Variants in KCND2 observed in about 807,000 individuals in gnomAD.
KCND2 encodes the protein potassium voltage-gated channel subfamily D member 2, also known as A-type voltage-gated potassium channel KCND2.
Under a neutral mutation model 54.4 loss-of-function variants are expected in KCND2, and 16 were observed. The observed-to-expected ratio is 0.29, with a 90% CI of 0.20 to 0.45. The LOEUF is 0.45. Among genes scored for constraint, KCND2 ranks in the 20% least tolerant of loss-of-function variants. The pLI is 1.00. For synonymous variants in KCND2, 317 were observed against 310.7 expected, an observed-to-expected ratio of 1.02 and a Z score of -0.21; for missense variants, 486 against 824.2, an observed-to-expected ratio of 0.59 and a Z score of 5.02.
chr7:120,443,448 A>C (rs994766131), intron 1 of KCND2, among the ~76,000 whole-genome samples: 2 of 151,712 alleles, frequency 1.3e-5, no homozygotes, highest in African/African-American at 4.8e-5. Context: ...GCCTCTTTCC[A>C]TGGAGACATT....
intron 1 of KCND2, among the ~76,000 whole-genome samples, chr7:120,372,231 T>A (rs1800774835): frequency 6.6e-6 from 1 of 151,958 alleles, no homozygotes; most frequent in African/African-American, 2.4e-5. Context: ...CTTCAAGTAC[T>A]GTTTTGCTAG....
At chr7:120,279,824 C>T (rs550056531) in intron 1 of KCND2, among the ~76,000 whole-genome samples, 14 of 151,666 alleles carry the variant, frequency 9.2e-5, no homozygotes, top group East Asian at 3.9e-4. Context: ...CTATGATATA[C>T]GATAACATTA....
intron 1 of KCND2, among the ~76,000 whole-genome samples, chr7:120,670,570 C>T (rs570345409): frequency 6.6e-6 from 1 of 152,138 alleles, no homozygotes; most frequent in South Asian, 2.1e-4. Flanking sequence ...CAGAAATTCA[C>T]TGTAAAACCA....
intron 1 of KCND2, among the ~76,000 whole-genome samples, chr7:120,420,638 A>G (rs1801598000): frequency 6.6e-6 from 1 of 152,260 alleles, no homozygotes; most frequent in African/African-American, 2.4e-5. Context: ...GTGTCTATGA[A>G]AGGAATCTGC....
intron 1 of KCND2, among the ~76,000 whole-genome samples, chr7:120,384,605 G>C (rs1389079585): frequency 1.3e-5 from 2 of 151,980 alleles, no homozygotes; most frequent in Non-Finnish European, 2.9e-5. Context: ...TTTATTACTG[G>C]ATCTAAATAT....
chr7:120,418,423 G>T (rs951128212), intron 1 of KCND2, among the ~76,000 whole-genome samples: 11 of 152,214 alleles, frequency 7.2e-5, no homozygotes, highest in African/African-American at 2.2e-4. Flanking sequence ...TGAAAATGTG[G>T]CTCAAGTATA....
chr7:120,531,985 A>G (rs542568652), intron 1 of KCND2, among the ~76,000 whole-genome samples: 1 of 152,178 alleles, frequency 6.6e-6, no homozygotes, highest in South Asian at 2.1e-4. Flanking sequence ...TCCAGATTCA[A>G]ATTCTCCTCT....
chr7:120,396,415 A>G (rs947462428), intron 1 of KCND2, among the ~76,000 whole-genome samples: 1 of 152,042 alleles, frequency 6.6e-6, no homozygotes, highest in African/African-American at 2.4e-5. Context: ...TTTAGCCTTG[A>G]CCAACTCCAA....
At position 120,306,091 on chromosome 7, in the gene KCND2, T is replaced by G. The variant is rs543162465; in HGVS notation, c.1115+30344T>G. Among the ~76,000 whole-genome samples, 26 of 152,262 alleles carry G rather than the reference T, an allele frequency of 1.7e-4. No individual in the cohort carries two copies. In the South Asian group the frequency reaches 4.6e-3, roughly 27 times the overall value. ...ACAGTCAGTTGTAGCTGTGACTGTT[T>G]CCTGCATTCAAGACTTTCTCTAGCT... is the stretch of plus-strand genomic sequence containing the variant. On this transcript the variant is annotated intron_variant, in intron 1 of 5. Transcript: ENST00000331113.
chr7:120,567,857 A>G (rs1792317091), intron 1 of KCND2, among the ~76,000 whole-genome samples: 1 of 152,174 alleles, frequency 6.6e-6, no homozygotes, highest in Non-Finnish European at 1.5e-5. Context: ...ATATTTGTAG[A>G]TAAGATCACA....
At chr7:120,669,278 C>T (rs1195380594) in intron 1 of KCND2, among the ~76,000 whole-genome samples, 1 of 151,866 alleles carries the variant, frequency 6.6e-6, no homozygotes, top group Non-Finnish European at 1.5e-5. Context: ...TTGATTTTTT[C>T]CCATGTCCTT....
At chr7:120,414,834 A>G (rs1314656767) in intron 1 of KCND2, among the ~76,000 whole-genome samples, 1 of 152,134 alleles carries the variant, frequency 6.6e-6, no homozygotes, top group African/African-American at 2.4e-5. Flanking sequence ...GTGCTTTCAT[A>G]CTACCATCAT....
In KCND2 at chr7:120,731,526, A is replaced by G. The variant is rs138388926; in HGVS notation, c.1116-1377A>G. 3.7e-3 allele frequency among the ~76,000 whole-genome samples: 562 copies of G among 152,312 alleles called. 1 individual carries two copies. The highest frequency in any genetic ancestry group is 5.2e-3 in the Non-Finnish European group (355 of 68,012). ...GGTGTAAAATACAGGCAGGAACTAA[A>G]TGAGGTAGGCCCTTGGAGGCAAAAC... On this transcript the variant is annotated intron_variant, in intron 1 of 5. Transcript: ENST00000331113.
chr7:120,363,276 C>T (rs554945326), intron 1 of KCND2, among the ~76,000 whole-genome samples: 3 of 152,094 alleles, frequency 2.0e-5, no homozygotes, highest in Admixed American at 6.6e-5. Context: ...GGCCCTTGAG[C>T]CTGGATGACA....
At chr7:120,595,851 C>T (rs1003751760) in intron 1 of KCND2, among the ~76,000 whole-genome samples, 2 of 150,278 alleles carry the variant, frequency 1.3e-5, no homozygotes, top group Non-Finnish European at 3.0e-5. Flanking sequence ...AAAAGACACT[C>T]AAATAATATG....
At chr7:120,417,149 GA>G (rs1190030564) in intron 1 of KCND2, among the ~76,000 whole-genome samples, 1 of 152,156 alleles carries the variant, frequency 6.6e-6, no homozygotes, top group Non-Finnish European at 1.5e-5. Context: ...AGCCAGCCTA[GA>G]AAGCTTACAG....
intron 1 of KCND2, among the ~76,000 whole-genome samples, chr7:120,419,943 C>G (rs1424996094): frequency 6.8e-6 from 1 of 146,232 alleles, no homozygotes; most frequent in African/African-American, 2.5e-5. Context: ...TTATTTTTTT[C>G]TTTCTTTTTT....
intron 1 of KCND2, among the ~76,000 whole-genome samples, chr7:120,412,603 G>A (rs943910624): frequency 1.3e-4 from 19 of 151,658 alleles, no homozygotes; most frequent in Admixed American, 6.6e-5. Context: ...GAAAATAATT[G>A]TCTGGCTGAC....
intron 1 of KCND2, among the ~76,000 whole-genome samples, chr7:120,541,299 C>T (rs1254251104): frequency 6.6e-6 from 1 of 151,968 alleles, no homozygotes. Flanking sequence ...ATCAGTTATT[C>T]CCAAACCTCA....
Sources: gnomAD v4.1 joint callset for allele counts (sites outside exome capture counted in the v4.1 genomes callset) on GRCh38, gnomAD v4.1.1 for gene constraint, MANE v1.5 for transcripts, NCBI Gene and HGNC (gene_info 2026-07-23, HGNC 2026-07-21) for gene names.